The following LRBA variants were observed in gnomAD, a reference collection of about 807,000 sequenced individuals.
LRBA encodes the protein LPS responsive beige-like anchor protein.
In LRBA, 176 loss-of-function variants were observed where a neutral mutation model predicts 330.0. The ratio of observed to expected loss-of-function variants is 0.53; its 90% CI spans 0.47 to 0.60. LRBA has a LOEUF of 0.60. Ranked by LOEUF, LRBA falls within the 20% of genes least tolerant of loss-of-function variation. LRBA has a pLI of 0.00. For synonymous variants in LRBA, 1,230 were observed against 1,193.0 expected (o/e 1.03, Z -0.64); for missense variants, 3,259 against 3,444.8 (o/e 0.95, Z 1.35).
chr4:150,481,564 C>A (rs1048794666), intron 42 of LRBA, among the ~76,000 whole-genome samples: 7 of 152,078 alleles, frequency 4.6e-5, no homozygotes, highest in Admixed American at 4.6e-4. Flanking sequence ...AGCTAATTCC[C>A]TTGCCCCAAC....
chr4:150,302,914 T>A, intron 52 of LRBA, 122 bp from the exon 53 acceptor site: 1 of 631,602 alleles, frequency 1.6e-6, no homozygotes, highest in Non-Finnish European at 2.6e-6. Flanking sequence ...GATTTTATAA[T>A]AATTTGACAT....
At chr4:150,991,053 CAAAAAAAAA>C (rs543266001) in intron 2 of LRBA, among the ~76,000 whole-genome samples, 1 of 60,016 alleles carries the variant, frequency 1.7e-5, no homozygotes, top group Admixed American at 1.6e-4. Flanking sequence ...ACTCTGTCTC[CAAAAAAAAA>C]AAAAAAAAGA....
chr4:150,371,701 AT>A (rs1476748398), intron 47 of LRBA, among the ~76,000 whole-genome samples: 2 of 151,630 alleles, frequency 1.3e-5, no homozygotes, highest in African/African-American at 4.8e-5. Context: ...TATATAACTT[AT>A]TTTATAAATA....
At chr4:150,796,130 C>T (rs540931459) in intron 34 of LRBA, among the ~76,000 whole-genome samples, 3 of 151,966 alleles carry the variant, frequency 2.0e-5, no homozygotes, top group South Asian at 4.2e-4. Context: ...GCTTCCCACC[C>T]TATCTCAGAC....
intron 53 of LRBA, among the ~76,000 whole-genome samples, chr4:150,301,379 A>G (rs879120183): frequency 1.3e-5 from 2 of 152,142 alleles, no homozygotes; most frequent in African/African-American, 4.8e-5. Context: ...TGTATTATCA[A>G]TAGCATCACA....
intron 44 of LRBA, among the ~76,000 whole-genome samples, chr4:150,455,258 T>C (rs1341680392): frequency 6.6e-6 from 1 of 152,014 alleles, no homozygotes; most frequent in East Asian, 1.9e-4. Flanking sequence ...GAAATACCAT[T>C]TGACCCAGCC....
intron 2 of LRBA, among the ~76,000 whole-genome samples, chr4:151,012,574 A>C (rs1744972654): frequency 6.6e-6 from 1 of 152,188 alleles, no homozygotes; most frequent in Non-Finnish European, 1.5e-5. Flanking sequence ...AAAGCCCCAC[A>C]CACATGCGCA....
chr4:150,639,797 ATATATATATGTGTGTG>A (rs1778399460), intron 37 of LRBA, among the ~76,000 whole-genome samples: 2 of 4,734 alleles, frequency 4.2e-4, no homozygotes, highest in Admixed American at 2.9e-3. Context: ...GTGTGTATAT[ATATATATATGTGTGTG>A]TGTGTGTATA....
intron 51 of LRBA, among the ~76,000 whole-genome samples, chr4:150,313,412 G>A (rs1232051182): frequency 2.0e-5 from 3 of 152,060 alleles, no homozygotes; most frequent in African/African-American, 2.4e-5. Context: ...TATAACCTTT[G>A]CAACTATTTG....
At position 150,372,560 on chromosome 4, in the gene LRBA, C is replaced by CAA. The variant is rs70937396; in HGVS notation, c.7195-22403_7195-22402dup. ...GGGTGACAGAGCAAGATCCCATCTC[C>CAA]AAAAAAAAAAAAAAAAAGGAAAGGA... On this transcript the variant is annotated intron_variant, in intron 47 of 56. Coordinates refer to ENST00000651943, the MANE Select transcript of LRBA (RefSeq NM_001364905.1). 9.5e-3 allele frequency among the ~76,000 whole-genome samples: 968 copies of CAA among 101,570 alleles called. 6 individuals are homozygous for CAA. The highest frequency in any genetic ancestry group is 0.014 in the Middle Eastern group (2 of 144). The allele number at this position is 101,570 out of a possible 152,430, so 66.6% of individuals were successfully genotyped here.
intron 35 of LRBA, among the ~76,000 whole-genome samples, chr4:150,741,419 C>T (rs1376578147): frequency 1.3e-5 from 2 of 152,072 alleles, no homozygotes; most frequent in South Asian, 2.1e-4. Flanking sequence ...TTCAGGATTA[C>T]TAGTCATCAA....
rs77319984 is a variant in LRBA at position 150,549,494 on chromosome 4, G to A, written c.6330+38554C>T. Reference sequence around the variant, plus strand: ...CTACAGGTGCCCGTCACCACGCCCGGCTAATTTTTTGTATTTTTAGTAGAG... The same window carrying A: ...CTACAGGTGCCCGTCACCACGCCCGACTAATTTTTTGTATTTTTAGTAGAG... On this transcript the variant is annotated intron_variant, in intron 40 of 56. Transcript: ENST00000651943. Among the ~76,000 whole-genome samples, 186 of 152,000 alleles carry A rather than the reference G, an allele frequency of 1.2e-3. 5 individuals carry two copies. The East Asian group carries it at 0.029, about 23-fold the overall frequency.
intron 34 of LRBA, among the ~76,000 whole-genome samples, chr4:150,781,981 A>T (rs992964614): frequency 6.6e-6 from 1 of 152,068 alleles, no homozygotes; most frequent in Non-Finnish European, 1.5e-5. Flanking sequence ...ATCACAATTC[A>T]CTGCAGCCTT....
At chr4:150,338,465 T>C (rs7653994) in intron 48 of LRBA, among the ~76,000 whole-genome samples, 83,764 of 151,944 alleles carry the variant, frequency 0.55, 24,187 homozygotes, top group Non-Finnish European at 0.65. Context: ...CATATTAAGG[T>C]TGTCTGACAG....
intron 40 of LRBA, among the ~76,000 whole-genome samples, chr4:150,546,132 G>A (rs967344427): frequency 4.6e-5 from 7 of 152,100 alleles, no homozygotes; most frequent in Non-Finnish European, 7.4e-5. Context: ...ATGCTATTGC[G>A]ATATTACGAC....
chr4:150,614,457 A>T (rs1204977686), intron 37 of LRBA, among the ~76,000 whole-genome samples: 4 of 152,238 alleles, frequency 2.6e-5, no homozygotes, highest in Admixed American at 1.3e-4. Context: ...TAATTTTTAA[A>T]TTTCTATTTT....
At chr4:150,730,438 T>G (rs367984206) in intron 36 of LRBA, among the ~76,000 whole-genome samples, 1 of 152,248 alleles carries the variant, frequency 6.6e-6, no homozygotes, top group Admixed American at 6.5e-5. Context: ...ATGCCAGAAC[T>G]TTGGGAGGCC....
At chr4:150,285,584 G>A (rs1748041009) in intron 54 of LRBA, among the ~76,000 whole-genome samples, 1 of 152,110 alleles carries the variant, frequency 6.6e-6, no homozygotes, top group Non-Finnish European at 1.5e-5. Flanking sequence ...CCTGCTTCAG[G>A]GGAATATGAA....
At chr4:150,822,726 T>G (rs1215896972) in intron 30 of LRBA, among the ~76,000 whole-genome samples, 1 of 152,142 alleles carries the variant, frequency 6.6e-6, no homozygotes, top group Non-Finnish European at 1.5e-5. Context: ...CACTCCAGCC[T>G]GGGTGGCAGA....
Sources: allele counts gnomAD v4.1 joint callset (sites outside exome capture counted in the v4.1 genomes callset), GRCh38; gene constraint gnomAD v4.1.1; transcripts MANE v1.5; gene names NCBI Gene and HGNC (gene_info 2026-07-23, HGNC 2026-07-21).